Variants in MRPL15 observed in about 807,000 individuals in gnomAD.
MRPL15 encodes the protein large ribosomal subunit protein uL15m.
In MRPL15, 24 loss-of-function variants were observed where a neutral mutation model predicts 28.0. The observed-to-expected ratio is 0.86, with a 90% confidence interval of 0.62 to 1.21. The LOEUF is 1.21. Ranked by LOEUF, MRPL15 falls within the 50% of genes most tolerant of loss-of-function variation. MRPL15 has a pLI of 0.00. For synonymous variants in MRPL15, 124 were observed against 137.0 expected (o/e 0.90, Z 0.66); for missense variants, 343 against 372.4 (o/e 0.92, Z 0.65).
chr8:54,144,724 C>T (rs546422632), intron 4 of MRPL15, among the ~76,000 whole-genome samples: 8 of 151,776 alleles, frequency 5.3e-5, no homozygotes, highest in East Asian at 3.9e-4. Flanking sequence ...GAGCTGAGAT[C>T]GCTGAGATCG....
chr8:54,142,548 ATTG>A, intron 3 of MRPL15, 112 bp from the exon 4 acceptor site: 3 of 1,218,790 alleles, frequency 2.5e-6, no homozygotes, highest in Non-Finnish European at 3.4e-6. Flanking sequence ...GACTAACTGT[ATTG>A]TTATGTTATA....
At chr8:54,137,247 T>C in intron 2 of MRPL15, 21 bp from the exon 3 acceptor site, 1 of 1,601,204 alleles carries the variant, frequency 6.2e-7, no homozygotes, top group Non-Finnish European at 8.5e-7. Flanking sequence ...GTTTTCCAAC[T>C]CTTACATTCT....
Position 54,137,430 on chromosome 8 carries a change from G to C in MRPL15, c.426G>C (p.Glu142Asp), listed in dbSNP as rs1284538762. The C allele has an allele frequency of 1.2e-6, 2 of 1,613,530 alleles. No homozygotes were observed. ...GGGATTATGGTGTCCAGCTGGTTGA[G>C]GAGGTAAGTCTTGATTAGATCTTTT... ...LKRDYGVQLV[E>D]EGADTFTAKV... Residue 142 changes from glutamate (E) to aspartate (D), a missense_variant, in exon 3 of 5, where the codon GAG becomes GAC. Physicochemically the swap from Glu to Asp is conservative, Grantham distance 45. Transcript: ENST00000260102.
At position 54,137,532 on chromosome 8, in the gene MRPL15, C is replaced by T. The variant is rs573926321; in HGVS notation, c.429+99C>T. On this transcript the variant is annotated intron_variant, in intron 3 of 4. Coordinates refer to ENST00000260102, the MANE Select transcript of MRPL15 (RefSeq NM_014175.4). ...GAGCTGGAGTACAGTGGCGCAATCT[C>T]GGCTCCTGCAACCTCCACCTCACAA... is the stretch of plus-strand genomic sequence containing the variant. The T allele has an allele frequency of 1.4e-3, 1,599 of 1,124,200 alleles. 3 individuals are homozygous for T. Among genetic ancestry groups the T allele is most frequent in the Non-Finnish European group, 1.9e-3 (1,481 of 794,432 alleles). 69.6% of individuals were successfully genotyped at this position (1,124,200 alleles called of 1,614,324 possible).
chr8:54,137,919 T>C (rs1810855774), intron 3 of MRPL15, among the ~76,000 whole-genome samples: 1 of 152,196 alleles, frequency 6.6e-6, no homozygotes, highest in African/African-American at 2.4e-5. Context: ...CCTGGAATGC[T>C]GCTCTTCTGC....
chr8:54,147,612 C>G lies in MRPL15; in HGVS notation c.784C>G (p.Pro262Ala). 6.2e-7 allele frequency: 1 copy of G among 1,614,118 alleles called. No homozygotes were observed. The highest frequency in any genetic ancestry group is 1.1e-5 in the South Asian group (1 of 91,076). Residue 262 changes from proline to alanine, a missense_variant, in exon 5 of 5, where the codon CCA becomes GCA. Physicochemically the swap from Pro to Ala is conservative, Grantham distance 27 (BLOSUM62 -1). Transcript: ENST00000260102. ...CAAAATGCTCTGTACTAGGAAGGAT[C>G]CAAGGCAGATTTTCTTTGGTCTTGC... ...LFKMLCTRKD[P>A]RQIFFGLAPG...
At chr8:54,139,768 A>C (rs1266723801) in intron 3 of MRPL15, among the ~76,000 whole-genome samples, 3 of 152,248 alleles carry the variant, frequency 2.0e-5, no homozygotes, top group Non-Finnish European at 4.4e-5. Context: ...CAAAATTATC[A>C]ATTTGGAAAC....
intron 3 of MRPL15, among the ~76,000 whole-genome samples, chr8:54,140,105 A>T (rs1239980992): frequency 6.6e-6 from 1 of 152,230 alleles, no homozygotes; most frequent in East Asian, 1.9e-4. Context: ...TTTCAGCTTC[A>T]TGAAAGCTTT....
rs953066730 is a variant in MRPL15 at position 54,147,486 on chromosome 8, C to G, written c.658C>G (p.Arg220Gly). The change falls in exon 5 of 5, where the codon CGT (arginine) becomes GGT (glycine). Residue 220 changes from arginine (R) to glycine (G), a missense_variant. Coordinates refer to ENST00000260102, the MANE Select transcript of MRPL15 (RefSeq NM_014175.4). ...LVPYYTDAKN[R>G]GYLADPAKFP... ...ACCATATTACACTGATGCAAAGAAC[C>G]GTGGGTACCTGGCGGATCCTGCCAA... 6 of 1,614,006 alleles carry G rather than the reference C, an allele frequency of 3.7e-6. No individual in the cohort carries two copies. Among genetic ancestry groups the G allele is most frequent in the Admixed American group, 1.7e-5 (1 of 59,984 alleles).
chr8:54,143,324 C>G (rs1810964547), intron 4 of MRPL15, among the ~76,000 whole-genome samples: 1 of 152,136 alleles, frequency 6.6e-6, no homozygotes, highest in Admixed American at 6.6e-5. Flanking sequence ...AATGGTCCAC[C>G]CTTCTCAGCT....
chr8:54,147,962 A>G lies in MRPL15; in HGVS notation c.*243A>G, dbSNP rs954103900. On this transcript the variant is annotated 3_prime_UTR_variant, in exon 5 of 5. Coordinates refer to ENST00000260102, the MANE Select transcript of MRPL15 (RefSeq NM_014175.4). ...CTCCCTGATAGTCTATGGAAGGAAA[A>G]TGACAACTATTTTAGAATATTTCTA... is the stretch of plus-strand genomic sequence containing the variant. 7.2e-6 allele frequency: 3 copies of G among 414,888 alleles called. No individual in the cohort carries two copies. The highest frequency in any genetic ancestry group is 1.3e-5 in the Non-Finnish European group (3 of 233,362). 25.7% of individuals were successfully genotyped at this position (414,888 alleles called of 1,614,324 possible).
intron 2 of MRPL15, among the ~76,000 whole-genome samples, chr8:54,136,986 T>G (rs1810836694): frequency 6.6e-6 from 1 of 152,226 alleles, no homozygotes; most frequent in Non-Finnish European, 1.5e-5. Flanking sequence ...CTACCATTAT[T>G]ACTTTGAGCT....
At chr8:54,142,543 ACT>A (rs912253050) in intron 3 of MRPL15, 118 bp from the exon 4 acceptor site, 18 of 1,144,838 alleles carry the variant, frequency 1.6e-5, no homozygotes, top group Non-Finnish European at 2.0e-5. Context: ...TGGAGGACTA[ACT>A]GTATTGTTAT....
chr8:54,146,041 A>T (rs931439150), intron 4 of MRPL15, among the ~76,000 whole-genome samples: 4 of 152,230 alleles, frequency 2.6e-5, no homozygotes, highest in African/African-American at 9.6e-5. Context: ...GATGCAATAT[A>T]TTAGAGCTGT....
chr8:54,137,136 G>A (rs1219661760), intron 2 of MRPL15, 132 bp from the exon 3 acceptor site: 1 of 853,826 alleles, frequency 1.2e-6, no homozygotes, highest in Non-Finnish European at 1.8e-6. Context: ...TTACATGTTT[G>A]TGTTACACTC....
chr8:54,139,259 A>G (rs1810879141), intron 3 of MRPL15, among the ~76,000 whole-genome samples: 1 of 152,172 alleles, frequency 6.6e-6, no homozygotes, highest in African/African-American at 2.4e-5. Context: ...TCGGCCTCCC[A>G]AAGTGCTGGG....
At chr8:54,138,009 C>T (rs1302692759) in intron 3 of MRPL15, among the ~76,000 whole-genome samples, 1 of 151,862 alleles carries the variant, frequency 6.6e-6, no homozygotes, top group Non-Finnish European at 1.5e-5. Context: ...GGCTGGAGTG[C>T]AGTGGCACGA....
intron 3 of MRPL15, among the ~76,000 whole-genome samples, chr8:54,140,796 G>A (rs932818171): frequency 4.0e-5 from 6 of 151,538 alleles, no homozygotes; most frequent in East Asian, 3.9e-4. Context: ...GTTAGCCAGG[G>A]TGGTCTTGAT....
At chr8:54,146,880 T>G (rs944174807) in intron 4 of MRPL15, among the ~76,000 whole-genome samples, 8 of 152,220 alleles carry the variant, frequency 5.3e-5, no homozygotes, top group African/African-American at 1.9e-4. Context: ...ATTCCTTGGT[T>G]TGTTTCACAT....
Sources: allele counts gnomAD v4.1 joint callset (sites outside exome capture counted in the v4.1 genomes callset), GRCh38; gene constraint gnomAD v4.1.1; transcripts MANE v1.5; gene names NCBI Gene and HGNC (gene_info 2026-07-23, HGNC 2026-07-21).